Variants in ERBB4 observed in about 807,000 individuals in gnomAD.
ERBB4 encodes receptor tyrosine-protein kinase erbB-4.
A neutral mutation model predicts 158.0 loss-of-function variants in ERBB4; 42 were observed. The ratio of observed to expected loss-of-function variants is 0.27; its 90% CI spans 0.21 to 0.34. ERBB4 has a LOEUF of 0.34. Ranked by LOEUF, ERBB4 falls within the 10% of genes least tolerant of loss-of-function variation. The pLI, the probability that ERBB4 is intolerant of heterozygous loss-of-function variation, is 1.00. For missense variants in ERBB4, 1,333 were observed against 1,624.1 expected (o/e 0.82, Z 3.08); for synonymous variants, 583 against 558.7 (o/e 1.04, Z -0.61).
chr2:211,398,429 A>G (rs2062965434), intron 25 of ERBB4, among the ~76,000 whole-genome samples: 1 of 152,162 alleles, frequency 6.6e-6, no homozygotes. Context: ...ACTTATGAAA[A>G]TCTTAATTAT....
intron 1 of ERBB4, among the ~76,000 whole-genome samples, chr2:212,216,354 A>G (rs2083099953): frequency 6.6e-6 from 1 of 151,366 alleles, no homozygotes; most frequent in African/African-American, 2.4e-5. Context: ...ATCTATTTAA[A>G]ATATTTATCT....
intron 3 of ERBB4, among the ~76,000 whole-genome samples, chr2:211,828,848 C>G (rs1040432680): frequency 6.6e-6 from 1 of 152,126 alleles, no homozygotes; most frequent in Non-Finnish European, 1.5e-5. Context: ...CAAGCATGCT[C>G]CAGCATCACA....
chr2:211,808,560 G>A (rs2105908930), intron 3 of ERBB4, among the ~76,000 whole-genome samples: 1 of 152,134 alleles, frequency 6.6e-6, no homozygotes, highest in East Asian at 1.9e-4. Context: ...GTCAGGTAGC[G>A]TGATGCTTTC....
In ERBB4 at chr2:212,184,716, G is replaced by A. The variant is rs566129902; in HGVS notation, c.83-59813C>T. On this transcript the variant is annotated intron_variant, in intron 1 of 27. Transcript: ENST00000342788. ...AAATATTACAATTTTAGGTAGATTT[G>A]GAAATAATAATAAAAATGTAGCATA... Among the ~76,000 whole-genome samples the A allele has an allele frequency of 2.0e-5, 3 of 152,036 alleles. No homozygotes were observed. In the East Asian group the frequency reaches 5.8e-4, roughly 29 times the overall value.
intron 1 of ERBB4, among the ~76,000 whole-genome samples, chr2:212,407,600 C>CAT (rs1301834694): frequency 1.3e-5 from 2 of 151,766 alleles, no homozygotes; most frequent in Non-Finnish European, 2.9e-5. Flanking sequence ...AATAAGTAGG[C>CAT]ATATATATAA....
intron 24 of ERBB4, 95 bp from the exon 25 acceptor site, chr2:211,420,706 G>T: frequency 8.8e-7 from 1 of 1,131,114 alleles, no homozygotes; most frequent in Non-Finnish European, 1.3e-6. Flanking sequence ...CATAACAAAT[G>T]GTTGAAAAAT....
chr2:212,346,463 T>G lies in ERBB4; in HGVS notation c.82+191986A>C, dbSNP rs543671834. Among the ~76,000 whole-genome samples the G allele has an allele frequency of 2.2e-4, 32 of 143,398 alleles. No individual in the cohort carries two copies. In the East Asian group the frequency reaches 6.2e-3, roughly 28 times the overall value. The allele number at this position is 143,398 out of a possible 152,430, so 94.1% of individuals were successfully genotyped here. On this transcript the variant is annotated intron_variant, in intron 1 of 27. Transcript: ENST00000342788. ...TTTCAAAATCAATTCACACTAAACT[T>G]TGCTATCTTCCTTCATACCAAGCAC... is the stretch of plus-strand genomic sequence containing the variant.
chr2:211,531,111 A>G (rs949334446), intron 20 of ERBB4, among the ~76,000 whole-genome samples: 1 of 152,146 alleles, frequency 6.6e-6, no homozygotes, highest in South Asian at 2.1e-4. Context: ...AGATATCCAT[A>G]TCTACAAGAA....
chr2:212,310,643 GTA>G (rs370352860), intron 1 of ERBB4, among the ~76,000 whole-genome samples: 5,705 of 123,516 alleles, frequency 0.046, 382 homozygotes, highest in African/African-American at 0.15. Context: ...GTGTGTGTGT[GTA>G]TATATATATA....
intron 20 of ERBB4, among the ~76,000 whole-genome samples, chr2:211,557,626 T>C (rs914057120): frequency 1.4e-5 from 2 of 147,270 alleles, no homozygotes; most frequent in African/African-American, 5.3e-5. Flanking sequence ...CACTTATACA[T>C]TGTTGTTCCT....
intron 1 of ERBB4, among the ~76,000 whole-genome samples, chr2:212,170,733 C>A (rs549783034): frequency 4.6e-5 from 7 of 152,252 alleles, no homozygotes; most frequent in African/African-American, 1.7e-4. Context: ...GGTGACTTCA[C>A]ATGGTGTTGG....
intron 19 of ERBB4, among the ~76,000 whole-genome samples, chr2:211,603,416 T>C (rs1324818614): frequency 2.0e-5 from 3 of 151,912 alleles, no homozygotes; most frequent in Non-Finnish European, 4.4e-5. Context: ...ATTAAATGAT[T>C]ACCAACAGTG....
intron 2 of ERBB4, among the ~76,000 whole-genome samples, chr2:212,102,222 C>T (rs66522864): frequency 0.52 from 77,323 of 149,992 alleles, 20,795 homozygotes; most frequent in Non-Finnish European, 0.58. Context: ...CTCTGGTGTT[C>T]AAAGCTGGTT....
intron 25 of ERBB4, among the ~76,000 whole-genome samples, chr2:211,394,166 C>T (rs1300225654): frequency 6.6e-6 from 1 of 151,900 alleles, no homozygotes; most frequent in Non-Finnish European, 1.5e-5. Context: ...TAAGTTGCTG[C>T]TTTGAGCAAT....
At position 212,171,494 on chromosome 2, in the gene ERBB4, G is replaced by A. The variant is rs75419251; in HGVS notation, c.83-46591C>T. 2.8e-3 allele frequency among the ~76,000 whole-genome samples: 432 copies of A among 152,136 alleles called. 5 individuals carry two copies. The highest frequency in any genetic ancestry group is 0.01 in the African/African-American group (416 of 41,526). ...TAAAACGGATGTGAAATATTTGGAA[G>A]GGGCAAGGGGCAGAATGATATGGTT... On this transcript the variant is annotated intron_variant, in intron 1 of 27. Coordinates refer to ENST00000342788, the MANE Select transcript of ERBB4 (RefSeq NM_005235.3).
chr2:211,462,517 C>G (rs1232647075), intron 20 of ERBB4, among the ~76,000 whole-genome samples: 1 of 152,074 alleles, frequency 6.6e-6, no homozygotes, highest in African/African-American at 2.4e-5. Context: ...CAAATAGCAA[C>G]TCGCAGAAAG....
chr2:211,771,072 A>C (rs1204944854), intron 4 of ERBB4, among the ~76,000 whole-genome samples: 1 of 152,188 alleles, frequency 6.6e-6, no homozygotes, highest in African/African-American at 2.4e-5. Context: ...TAGAAATCTT[A>C]TGCTAGGCCA....
intron 3 of ERBB4, among the ~76,000 whole-genome samples, chr2:211,821,237 A>G (rs2076989307): frequency 2.0e-5 from 3 of 151,896 alleles, no homozygotes; most frequent in Non-Finnish European, 4.4e-5. Context: ...CAGCTAAAAA[A>G]GAAAGCTAGA....
intron 2 of ERBB4, among the ~76,000 whole-genome samples, chr2:212,016,931 G>A (rs1055817240): frequency 2.6e-5 from 4 of 152,130 alleles, no homozygotes; most frequent in Admixed American, 6.5e-5. Flanking sequence ...AAAGGTAGTT[G>A]TCATTTTTAT....
Sources: allele counts gnomAD v4.1 joint callset (sites outside exome capture counted in the v4.1 genomes callset), GRCh38; gene constraint gnomAD v4.1.1; transcripts MANE v1.5; gene names NCBI Gene and HGNC (gene_info 2026-07-23, HGNC 2026-07-21).